NEK4: variants seen among roughly 807,000 people sequenced by gnomAD.
NEK4 encodes NIMA related kinase 4.
NEK4 carries 86 observed loss-of-function variants against 98.4 expected under a neutral mutation model. That is an observed-to-expected ratio of 0.87 (90% CI 0.73 to 1.05). NEK4 has a LOEUF of 1.05. Ranked by LOEUF, NEK4 falls within the 50% of genes least tolerant of loss-of-function variation. The pLI is 0.00. For synonymous variants in NEK4, 328 were observed against 342.2 expected (o/e 0.96, Z 0.46); for missense variants, 898 against 950.3 (o/e 0.94, Z 0.72).
chr3:52,770,547 C>T (rs1197696189), intron 1 of NEK4, 107 bp downstream of exon 1: 4 of 808,720 alleles, frequency 4.9e-6, no homozygotes, highest in Non-Finnish European at 8.2e-6. Flanking sequence ...GAGGAAACGC[C>T]ATCCGAGATG....
chr3:52,739,765 G>A, intron 13 of NEK4, 131 bp from the exon 14 acceptor site: 1 of 699,610 alleles, frequency 1.4e-6, no homozygotes, highest in Non-Finnish European at 2.4e-6. Flanking sequence ...AGACTGACCT[G>A]ACCCTTCCAC....
intron 6 of NEK4, among the ~76,000 whole-genome samples, chr3:52,758,519 C>T (rs565654184): frequency 1.3e-5 from 2 of 151,942 alleles, no homozygotes; most frequent in South Asian, 2.1e-4. Context: ...ACCTTCAAGA[C>T]GTTGGATTTG....
At chr3:52,758,456 A>G (rs1382138033) in intron 6 of NEK4, among the ~76,000 whole-genome samples, 1 of 152,074 alleles carries the variant, frequency 6.6e-6, no homozygotes, top group Non-Finnish European at 1.5e-5. Context: ...TCGATCGACA[A>G]CCTAAATATA....
At chr3:52,765,421 C>T (rs1484969300) in intron 4 of NEK4, among the ~76,000 whole-genome samples, 3 of 151,942 alleles carry the variant, frequency 2.0e-5, no homozygotes, top group Non-Finnish European at 4.4e-5. Context: ...GGCAACTAGC[C>T]TCATGGAACA....
intron 15 of NEK4, among the ~76,000 whole-genome samples, chr3:52,715,687 C>T (rs1418488017): frequency 1.3e-5 from 2 of 152,198 alleles, no homozygotes; most frequent in Non-Finnish European, 2.9e-5. Context: ...CCACGTCCAG[C>T]CTGAGCTGTT....
chr3:52,770,529 AT>A, intron 1 of NEK4, 124 bp downstream of exon 1: 2 of 711,186 alleles, frequency 2.8e-6, no homozygotes, highest in Non-Finnish European at 2.4e-6. Context: ...GTCTGGGACC[AT>A]TTCCCTGAGG....
At chr3:52,720,508 A>G (rs986713214) in intron 15 of NEK4, among the ~76,000 whole-genome samples, 2 of 152,224 alleles carry the variant, frequency 1.3e-5, no homozygotes, top group African/African-American at 4.8e-5. Flanking sequence ...AAAAACAGAG[A>G]AAACCTTGAA....
chr3:52,735,039 A>T, intron 15 of NEK4: 1 of 173,044 alleles, frequency 5.8e-6, no homozygotes, highest in Non-Finnish European at 1.3e-5. Flanking sequence ...CATGAGGAGA[A>T]ATACATGTAA....
intron 11 of NEK4, 54 bp downstream of exon 11, chr3:52,744,185 C>A (rs2097391568): frequency 7.7e-7 from 1 of 1,295,264 alleles, no homozygotes; most frequent in African/African-American, 1.5e-5. Context: ...GTGTTTCTGT[C>A]CACGAACCAT....
chr3:52,751,242 T>A (rs2097404386), intron 7 of NEK4, among the ~76,000 whole-genome samples: 1 of 149,994 alleles, frequency 6.7e-6, no homozygotes, highest in African/African-American at 2.5e-5. Flanking sequence ...GATCACGAGG[T>A]CAGGAGATCG....
chr3:52,712,050 T>G (rs1025172159), intron 15 of NEK4, among the ~76,000 whole-genome samples, 181 bp from the exon 16 acceptor site: 1 of 152,194 alleles, frequency 6.6e-6, no homozygotes, highest in Non-Finnish European at 1.5e-5. Flanking sequence ...CGTAAGAAAT[T>G]AAAGAGCAAA....
intron 8 of NEK4, 70 bp from the exon 9 acceptor site, chr3:52,746,974 T>A (rs895441856): frequency 1.6e-6 from 2 of 1,263,960 alleles, no homozygotes; most frequent in African/African-American, 3.0e-5. Flanking sequence ...AAGTAAGTTG[T>A]CCATAAAAAG....
intron 15 of NEK4, chr3:52,733,615 G>A (rs1344933037): frequency 9.9e-6 from 5 of 503,334 alleles, no homozygotes; most frequent in South Asian, 2.9e-5. Context: ...TGTAACAAAC[G>A]TTGAAAGCAT....
chr3:52,712,655 CA>C (rs1370616607), intron 15 of NEK4, among the ~76,000 whole-genome samples: 1 of 152,162 alleles, frequency 6.6e-6, no homozygotes, highest in Non-Finnish European at 1.5e-5. Context: ...ATGCGGGAAC[CA>C]GAAGGAAGAT....
intron 15 of NEK4, among the ~76,000 whole-genome samples, chr3:52,730,736 GGAA>G (rs201422749): frequency 0.014 from 2,093 of 152,244 alleles, 19 homozygotes; most frequent in South Asian, 0.036. Context: ...TTAGATGGTT[GGAA>G]GAATTCACCA....
At chr3:52,744,106 C>T in intron 11 of NEK4, 133 bp downstream of exon 11, 1 of 716,702 alleles carries the variant, frequency 1.4e-6, no homozygotes, top group Non-Finnish European at 2.5e-6. Flanking sequence ...ATTTCAAAAT[C>T]TTTTCCAACT....
intron 6 of NEK4, chr3:52,754,819 A>G: frequency 7.1e-6 from 2 of 280,820 alleles, no homozygotes; most frequent in Non-Finnish European, 1.5e-5. Context: ...CATGCCTGTA[A>G]TCCTAGAACT....
chr3:52,725,383 C>T (rs1383371444), intron 15 of NEK4, among the ~76,000 whole-genome samples: 4 of 151,914 alleles, frequency 2.6e-5, no homozygotes, highest in African/African-American at 9.7e-5. Context: ...GGCATGGTGG[C>T]GGGCACCTGT....
At chr3:52,770,001 TC>T (rs1340108881) in intron 1 of NEK4, among the ~76,000 whole-genome samples, 8 of 152,142 alleles carry the variant, frequency 5.3e-5, no homozygotes, top group Admixed American at 1.3e-4. Flanking sequence ...CAACAGGGTG[TC>T]CTGGATTGGG....
Sources: allele counts gnomAD v4.1 joint callset (sites outside exome capture counted in the v4.1 genomes callset), GRCh38; gene constraint gnomAD v4.1.1; transcripts MANE v1.5; gene names NCBI Gene and HGNC (gene_info 2026-07-23, HGNC 2026-07-21).